Variants in ATPSCKMT observed in about 807,000 individuals in gnomAD.
ATPSCKMT encodes ATP synthase subunit C lysine N-methyltransferase.
ATPSCKMT carries 24 observed loss-of-function variants against 24.3 expected under a neutral mutation model. That is an observed-to-expected ratio of 0.99 (90% CI 0.71 to 1.39). The LOEUF is 1.39. Ranked by LOEUF, ATPSCKMT falls within the 40% of genes most tolerant of loss-of-function variation. The pLI, the probability that ATPSCKMT is intolerant of heterozygous loss-of-function variation, is 0.00. For missense variants in ATPSCKMT, 311 were observed against 298.4 expected, an observed-to-expected ratio of 1.04 and a Z score of -0.31; for synonymous variants, 95 against 110.5, an observed-to-expected ratio of 0.86 and a Z score of 0.88.
chr5:10,239,887 TA>T (rs1305883688), intron 1 of ATPSCKMT, among the ~76,000 whole-genome samples: 1 of 151,004 alleles, frequency 6.6e-6, no homozygotes, highest in East Asian at 1.9e-4. Flanking sequence ...CCAAATATCT[TA>T]AATAAGTATG....
intron 2 of ATPSCKMT, 58 bp from the exon 3 acceptor site, chr5:10,236,673 A>G (rs1043248991): frequency 5.7e-6 from 9 of 1,591,880 alleles, no homozygotes; most frequent in Non-Finnish European, 7.7e-6. Flanking sequence ...ATACATGGTC[A>G]AACAATATGA....
At chr5:10,232,973 G>T (rs1404270996) in intron 4 of ATPSCKMT, among the ~76,000 whole-genome samples, 1 of 152,212 alleles carries the variant, frequency 6.6e-6, no homozygotes, top group African/African-American at 2.4e-5. Flanking sequence ...GATCCAGATG[G>T]GATTCCTGCT....
chr5:10,247,568 C>T (rs926048169), intron 1 of ATPSCKMT, among the ~76,000 whole-genome samples: 8 of 152,182 alleles, frequency 5.3e-5, no homozygotes, highest in African/African-American at 1.9e-4. Flanking sequence ...TGGTCTCAAA[C>T]TCCTGGGCTC....
chr5:10,228,934 G>A (rs1308331916), intron 4 of ATPSCKMT, among the ~76,000 whole-genome samples: 1 of 152,036 alleles, frequency 6.6e-6, no homozygotes, highest in African/African-American at 2.4e-5. Context: ...CTGGCCTACA[G>A]GTTTACCGAT....
At chr5:10,235,493 T>G (rs1306901420) in intron 3 of ATPSCKMT, among the ~76,000 whole-genome samples, 1 of 152,202 alleles carries the variant, frequency 6.6e-6, no homozygotes, top group Non-Finnish European at 1.5e-5. Context: ...TCCCTGTAAG[T>G]CATCCCATCT....
At chr5:10,237,049 G>GA in intron 2 of ATPSCKMT, 1 of 1,280,390 alleles carries the variant, frequency 7.8e-7, no homozygotes, top group Non-Finnish European at 1.0e-6. Flanking sequence ...ACCTGTCAAT[G>GA]AAAAATCTGC....
chr5:10,238,398 G>C (rs1744472651), intron 2 of ATPSCKMT, among the ~76,000 whole-genome samples: 1 of 152,150 alleles, frequency 6.6e-6, no homozygotes, highest in Non-Finnish European at 1.5e-5. Flanking sequence ...AAAGGTGATA[G>C]AGTCCTGCTG....
chr5:10,238,679 T>C (rs1281549085), intron 2 of ATPSCKMT, among the ~76,000 whole-genome samples: 2 of 152,232 alleles, frequency 1.3e-5, no homozygotes, highest in Non-Finnish European at 2.9e-5. Flanking sequence ...TTATTACTTA[T>C]ACATGGATAA....
intron 2 of ATPSCKMT, chr5:10,236,833 T>C: frequency 6.7e-7 from 1 of 1,483,766 alleles, no homozygotes; most frequent in South Asian, 1.2e-5. Flanking sequence ...GGTTAAAGAC[T>C]TCACCTCAAG....
At chr5:10,228,787 C>T (rs1470163071) in intron 4 of ATPSCKMT, among the ~76,000 whole-genome samples, 1 of 152,038 alleles carries the variant, frequency 6.6e-6, no homozygotes, top group African/African-American at 2.4e-5. Context: ...TCAAATCATC[C>T]TCCCACCTCA....
At position 10,236,638 on chromosome 5, in the gene ATPSCKMT, T is replaced by C. The variant is rs201296484; in HGVS notation, c.307-23A>G. 2.5e-4 allele frequency: 398 copies of C among 1,604,824 alleles called. No individual in the cohort carries two copies. The African/African-American group carries it at 4.8e-3, about 19-fold the overall frequency. ...GACCTGTGGAGAGAGGCAGGATTTA[T>C]TCAAAATAAGAAGAAAAAATGAACA... On this transcript the variant is annotated intron_variant, in intron 2 of 4. Coordinates refer to ENST00000511437, the MANE Select transcript of ATPSCKMT (RefSeq NM_199133.4).
intron 1 of ATPSCKMT, among the ~76,000 whole-genome samples, chr5:10,245,187 A>G (rs184986898): frequency 2.7e-4 from 41 of 151,032 alleles, no homozygotes; most frequent in African/African-American, 5.8e-4. Flanking sequence ...TTGGGAGGCT[A>G]AGGCGGGCAG....
chr5:10,244,857 G>A (rs188721606), intron 1 of ATPSCKMT, among the ~76,000 whole-genome samples: 4 of 151,444 alleles, frequency 2.6e-5, no homozygotes, highest in Admixed American at 6.6e-5. Flanking sequence ...GCAGTGAGCC[G>A]TGATCGCACC....
rs1744451619 is a variant in ATPSCKMT, at chr5:10,237,996, C to T, written c.306+1071G>A. 2.0e-5 allele frequency among the ~76,000 whole-genome samples: 3 copies of T among 152,228 alleles called. No individual in the cohort carries two copies. The South Asian group carries it at 6.2e-4, about 31-fold the overall frequency. On this transcript the variant is annotated intron_variant, in intron 2 of 4. Transcript: ENST00000511437. ...TCCTGACCTCGTGATCTGCCCACCT[C>T]AGCCTCCCAAAGTGCTGGGATTACA...
intron 1 of ATPSCKMT, among the ~76,000 whole-genome samples, chr5:10,242,622 T>C (rs1455242923): frequency 6.6e-6 from 1 of 152,264 alleles, no homozygotes; most frequent in Non-Finnish European, 1.5e-5. Flanking sequence ...ATGTTATTAA[T>C]GGCATCTAGA....
chr5:10,230,588 T>A (rs1445355090), intron 4 of ATPSCKMT, among the ~76,000 whole-genome samples: 1 of 152,228 alleles, frequency 6.6e-6, no homozygotes, highest in Non-Finnish European at 1.5e-5. Flanking sequence ...CCGTGATGTG[T>A]CATGTCTGCG....
chr5:10,248,752 A>T (rs1745092489), intron 1 of ATPSCKMT, among the ~76,000 whole-genome samples: 1 of 152,254 alleles, frequency 6.6e-6, no homozygotes. Context: ...TATTCATTTC[A>T]GCACTTATTG....
At chr5:10,242,940 A>G (rs148536372) in intron 1 of ATPSCKMT, among the ~76,000 whole-genome samples, 6 of 152,244 alleles carry the variant, frequency 3.9e-5, no homozygotes, top group Non-Finnish European at 8.8e-5. Context: ...GGCTTAAAAT[A>G]TTCAAAAATC....
chr5:10,249,438 T>C (rs1462041269), intron 1 of ATPSCKMT: 5 of 203,040 alleles, frequency 2.5e-5, no homozygotes, highest in Non-Finnish European at 4.9e-5. Flanking sequence ...ACAGCAGCCC[T>C]GTGAGTAGGC....
Sources: allele counts gnomAD v4.1 joint callset (sites outside exome capture counted in the v4.1 genomes callset), GRCh38; gene constraint gnomAD v4.1.1; transcripts MANE v1.5; gene names NCBI Gene and HGNC (gene_info 2026-07-23, HGNC 2026-07-21).